CD58: variants seen among roughly 807,000 people sequenced by gnomAD.
CD58 encodes the protein CD58 molecule, also known as lymphocyte function-associated antigen 3.
Under a neutral mutation model 27.6 loss-of-function variants are expected in CD58, and 14 were observed. The observed-to-expected ratio is 0.51, with a 90% CI of 0.34 to 0.79. CD58 has a LOEUF of 0.79. Ranked by LOEUF, CD58 falls within the 30% of genes least tolerant of loss-of-function variation. The probability of loss-of-function intolerance (pLI) is 0.02; values close to 1 mark genes in which losing one functional copy is unlikely to be tolerated. For missense variants in CD58, 268 were observed against 301.7 expected, an observed-to-expected ratio of 0.89 and a Z score of 0.83; for synonymous variants, 117 against 103.8, an observed-to-expected ratio of 1.13 and a Z score of -0.77.
At chr1:116,558,409 G>A (rs923025345) in intron 1 of CD58, among the ~76,000 whole-genome samples, 28 of 152,056 alleles carry the variant, frequency 1.8e-4, no homozygotes, top group African/African-American at 6.3e-4. Context: ...TTCACATCAC[G>A]GCACATTTTC....
At chr1:116,540,407 A>G (rs1657953093) in intron 2 of CD58, among the ~76,000 whole-genome samples, 1 of 151,944 alleles carries the variant, frequency 6.6e-6, no homozygotes, top group Admixed American at 6.6e-5. Flanking sequence ...TGAAACCTAG[A>G]GTCATCTTAT....
chr1:116,560,784 G>A (rs1033281722), intron 1 of CD58, among the ~76,000 whole-genome samples: 2 of 152,294 alleles, frequency 1.3e-5, no homozygotes, highest in South Asian at 2.1e-4. Context: ...AAGAGGAACT[G>A]CTAAAATGTT....
chr1:116,533,144 A>C (rs1008639092), intron 3 of CD58: 1 of 754,156 alleles, frequency 1.3e-6, no homozygotes, highest in Admixed American at 1.8e-5. Context: ...TTTCAAAATC[A>C]GAGGCTAATA....
At chr1:116,555,030 CGAAT>C (rs1013914875) in intron 1 of CD58, among the ~76,000 whole-genome samples, 18 of 151,874 alleles carry the variant, frequency 1.2e-4, no homozygotes, top group Admixed American at 2.0e-4. Context: ...CATGGATGAA[CGAAT>C]GAATGAATGA....
intron 3 of CD58, among the ~76,000 whole-genome samples, chr1:116,525,449 G>T (rs979022873): frequency 6.6e-6 from 1 of 152,140 alleles, no homozygotes; most frequent in Admixed American, 6.5e-5. Flanking sequence ...AGGACATCTT[G>T]GTTGCTTCCA....
Position 116,541,833 on chromosome 1 carries a change from C to T in CD58, c.364+2478G>A, listed in dbSNP as rs573099232. Among the ~76,000 whole-genome samples the T allele has an allele frequency of 6.6e-6, 1 of 152,218 alleles. No homozygotes were observed. Among genetic ancestry groups the T allele is most frequent in the South Asian group, 2.1e-4 (1 of 4,814 alleles). On this transcript the variant is annotated intron_variant, in intron 2 of 5. Transcript: ENST00000369489. The surrounding 1 kb of genome is among the most constrained non-coding windows in gnomAD (Gnocchi z 5.3). ...ATTAGCATTGAGATGATATTTAAAG[C>T]CCTGACATGGGATGAGCTCACCCAC...
chr1:116,569,238 C>T (rs561357767), intron 1 of CD58, among the ~76,000 whole-genome samples: 3 of 152,290 alleles, frequency 2.0e-5, no homozygotes, highest in African/African-American at 4.8e-5. Flanking sequence ...CCCAGCCACC[C>T]GCACATGAAC....
At chr1:116,551,060 T>C (rs956486621) in intron 1 of CD58, among the ~76,000 whole-genome samples, 2 of 152,316 alleles carry the variant, frequency 1.3e-5, no homozygotes, top group East Asian at 1.9e-4. Context: ...TTCCATTTTA[T>C]AGAGCACAAG....
At chr1:116,544,626 G>A in intron 1 of CD58, 22 bp from the exon 2 acceptor site, 1 of 1,531,604 alleles carries the variant, frequency 6.5e-7, no homozygotes, top group Non-Finnish European at 8.8e-7. Context: ...AAAAAAATTG[G>A]TTAGAAAAAA....
chr1:116,518,405 T>G (rs1435006190), intron 5 of CD58, among the ~76,000 whole-genome samples: 1 of 152,020 alleles, frequency 6.6e-6, no homozygotes, highest in African/African-American at 2.4e-5. Flanking sequence ...GTCCCATGCT[T>G]TGCCAGCAGA....
chr1:116,525,990 C>A (rs974404260), intron 3 of CD58, among the ~76,000 whole-genome samples: 1 of 152,086 alleles, frequency 6.6e-6, no homozygotes. Context: ...CATCTGTATA[C>A]CTTCCTTGGA....
At chr1:116,533,597 T>C in intron 3 of CD58, 1 of 707,806 alleles carries the variant, frequency 1.4e-6, no homozygotes, top group Non-Finnish European at 2.7e-6. Flanking sequence ...CTAAAGATGG[T>C]AAACCAGAAC....
Position 116,515,251 on chromosome 1 carries a change from A to G in CD58, c.744-429T>C, listed in dbSNP as rs1657037952. Among the ~76,000 whole-genome samples the G allele has an allele frequency of 6.6e-6, 1 of 152,232 alleles. No homozygotes were observed. Among genetic ancestry groups the G allele is most frequent in the South Asian group, 2.1e-4 (1 of 4,838 alleles). ...TAGTCACCTCTGTGGCAACGACAGAACAATCTCTGGCTGTCTTGGAGTAAA... is the reference window on the plus strand; with the variant it reads ...TAGTCACCTCTGTGGCAACGACAGAGCAATCTCTGGCTGTCTTGGAGTAAA... On this transcript the variant is annotated intron_variant, in intron 5 of 5. Coordinates refer to ENST00000369489, the MANE Select transcript of CD58 (RefSeq NM_001779.3). This position sits in a 1 kb window ranked among gnomAD's most constrained non-coding sequence, Gnocchi z 4.6.
chr1:116,548,621 G>C (rs773074916), intron 1 of CD58, among the ~76,000 whole-genome samples: 5 of 151,844 alleles, frequency 3.3e-5, no homozygotes, highest in Non-Finnish European at 7.4e-5. Flanking sequence ...TATTGGTAAG[G>C]CTTCTGGTAG....
At chr1:116,564,199 GC>G (rs1312119914) in intron 1 of CD58, among the ~76,000 whole-genome samples, 1 of 152,142 alleles carries the variant, frequency 6.6e-6, no homozygotes, top group African/African-American at 2.4e-5. Context: ...CAGTCTCTTT[GC>G]TAAAACATAT....
rs908065229 is a variant in CD58, at chr1:116,541,101, G to A, written c.364+3210C>T. On this transcript the variant is annotated intron_variant, in intron 2 of 5. Transcript: ENST00000369489. The surrounding 1 kb of genome is among the most constrained non-coding windows in gnomAD (Gnocchi z 5.3). ...TGGGATTATAGCCTTGAGCCACAAT[G>A]CCCGGCCTAGAATATTTTAAATTAT... Among the ~76,000 whole-genome samples, 2 of 152,182 alleles carry A rather than the reference G, an allele frequency of 1.3e-5. No homozygotes were observed. The highest frequency in any genetic ancestry group is 4.8e-5 in the African/African-American group (2 of 41,442).
intron 1 of CD58, among the ~76,000 whole-genome samples, chr1:116,545,451 T>C (rs969635233): frequency 1.3e-5 from 2 of 152,070 alleles, no homozygotes; most frequent in African/African-American, 4.8e-5. Context: ...GCAGGGTGTT[T>C]GTAGTGGGGA....
At chr1:116,567,093 T>C (rs1658962335) in intron 1 of CD58, among the ~76,000 whole-genome samples, 1 of 150,650 alleles carries the variant, frequency 6.6e-6, no homozygotes, top group South Asian at 2.1e-4. Flanking sequence ...TGAGCCATAA[T>C]TGTGTCACTA....
In CD58 at chr1:116,544,532, T is replaced by C; in HGVS notation, c.143A>G (p.Asn48Ser). The change falls in exon 2 of 6, where the codon AAT becomes AGT. Residue 48 changes from asparagine to serine, a missense_variant. Asn to Ser is a conservative substitution (Grantham distance 46). Coordinates refer to ENST00000369489, the MANE Select transcript of CD58 (RefSeq NM_001779.3). ...CCATAGGACCTCTTTTAAAGGCACA[T>C]TGCTTGGTACATGGAAAGTTACATT... ...YGNVTFHVPS[N>S]VPLKEVLWKK... The C allele has an allele frequency of 1.2e-6, 2 of 1,613,594 alleles. No individual in the cohort carries two copies. Among genetic ancestry groups the C allele is most frequent in the East Asian group, 2.2e-5 (1 of 44,852 alleles).
Sources: allele counts gnomAD v4.1 joint callset (sites outside exome capture counted in the v4.1 genomes callset), GRCh38; gene constraint gnomAD v4.1.1; non-coding constraint Gnocchi (gnomAD v3.1); transcripts MANE v1.5; gene names NCBI Gene and HGNC (gene_info 2026-07-23, HGNC 2026-07-21).